TTN: variants seen among roughly 807,000 people sequenced by gnomAD.
The protein encoded by TTN is connectin.
A neutral mutation model predicts 3,223.0 loss-of-function variants in TTN; 1,525 were observed. The observed-to-expected ratio is 0.47, with a 90% CI of 0.45 to 0.49. The LOEUF is 0.49. Among genes scored for constraint, TTN ranks in the 20% least tolerant of loss-of-function variants. TTN has a pLI of 0.00. For missense variants in TTN, 40,786 were observed against 43,424.0 expected (o/e 0.94, Z 5.40); for synonymous variants, 14,094 against 15,161.0 (o/e 0.93, Z 5.17).
Position 178,747,489 on chromosome 2 carries a change from T to C in TTN, c.11312-5568A>G, listed in dbSNP as rs727504687. 3.3e-5 allele frequency: 54 copies of C among 1,613,402 alleles called. No homozygotes were observed. In the Middle Eastern group the frequency reaches 1.5e-3, roughly 44 times the overall value. On this transcript the variant is annotated intron_variant, in intron 47 of 362. Transcript: ENST00000589042. ...TCACTGGTTGTACTTCCCACACCAATGGAAATGTCAGACTCAGGAGAAAGT... is the reference window on the plus strand; with the variant it reads ...TCACTGGTTGTACTTCCCACACCAACGGAAATGTCAGACTCAGGAGAAAGT...
At position 178,586,690 on chromosome 2, in the gene TTN, C is replaced by G; in HGVS notation, c.64211G>C (p.Ser21404Thr). 1 of 1,613,186 alleles carries G rather than the reference C, an allele frequency of 6.2e-7. No homozygotes were observed. Among genetic ancestry groups the G allele is most frequent in the East Asian group, 2.2e-5 (1 of 44,756 alleles). ...GGAKIDGYITSYREEEQPADR... is the reference protein window; with the variant it reads ...GGAKIDGYITTYREEEQPADR... ...TGCAGGCTGCTCTTCTTCTCTGTAA[C>G]TAGTGATGTAGCCATCGATTTTAGC... The change falls in exon 308 of 363, where the codon AGT (serine) becomes ACT (threonine). Residue 21404 changes from serine (S) to threonine (T), a missense_variant. By Grantham distance (58) the Ser-to-Thr change is moderately conservative. Coordinates refer to ENST00000589042, the MANE Select transcript of TTN (RefSeq NM_001267550.2).
chr2:178,637,735 T>G (rs533661991), intron 223 of TTN, among the ~76,000 whole-genome samples: 1 of 152,182 alleles, frequency 6.6e-6, no homozygotes, highest in East Asian at 1.9e-4. Flanking sequence ...GTGCAAAATA[T>G]TTTATATGTT....
intron 41 of TTN, among the ~76,000 whole-genome samples, chr2:178,766,027 C>G (rs1043873881): frequency 6.6e-6 from 1 of 152,132 alleles, no homozygotes; most frequent in Non-Finnish European, 1.5e-5. Flanking sequence ...CTTGGTAGTG[C>G]TGCTAGGACT....
In TTN at chr2:178,604,883, G is replaced by A. The variant is rs2054408175; in HGVS notation, c.54206C>T (p.Pro18069Leu). 1 of 1,611,648 alleles carries A rather than the reference G, an allele frequency of 6.2e-7. No homozygotes were observed. The highest frequency in any genetic ancestry group is 8.5e-7 in the Non-Finnish European group (1 of 1,178,726). ...HVEVYDRPSP[P>L]RNLAVTDIKA... is the part of the protein sequence containing the mutation. Reference sequence around the variant, plus strand: ...AATGTCAGTAACAGCAAGATTTCTTGGTGGGGATGGGCGGTCTGGAAAGGA... The same window carrying A: ...AATGTCAGTAACAGCAAGATTTCTTAGTGGGGATGGGCGGTCTGGAAAGGA... Residue 18069 changes from proline (P) to leucine (L), a missense_variant, in exon 281 of 363, where the codon CCA becomes CTA. Pro to Leu is a moderately conservative substitution (Grantham distance 98). Coordinates refer to ENST00000589042, the MANE Select transcript of TTN (RefSeq NM_001267550.2).
In TTN at chr2:178,533,129, T is replaced by G. The variant is rs183912990; in HGVS notation, c.103486A>C (p.Thr34496Pro). The change falls in exon 358 of 363, where the codon ACA (threonine) becomes CCA (proline). Residue 34496 changes from threonine to proline, a missense_variant. Thr to Pro is a conservative substitution (Grantham distance 38). Coordinates refer to ENST00000589042, the MANE Select transcript of TTN (RefSeq NM_001267550.2). ...ILSGTESVPLTQVAKEALREA... is the reference protein window; with the variant it reads ...ILSGTESVPLPQVAKEALREA... ...CTCAGAGCCTCTTTAGCTACCTGTG[T>G]CAGTGGTACACTTTCAGTTCCAGAA... The G allele has an allele frequency of 1.2e-6, 2 of 1,614,000 alleles. No homozygotes were observed. Among genetic ancestry groups the G allele is most frequent in the Non-Finnish European group, 1.7e-6 (2 of 1,179,864 alleles).
intron 102 of TTN, among the ~76,000 whole-genome samples, chr2:178,705,654 T>C (rs1367736737): frequency 6.6e-6 from 1 of 152,110 alleles, no homozygotes; most frequent in Non-Finnish European, 1.5e-5. Flanking sequence ...AGAGCCTAGC[T>C]AATGAATTAT....
chr2:178,701,019 C>G, intron 111 of TTN, 101 bp downstream of exon 111: 1 of 990,532 alleles, frequency 1.0e-6, no homozygotes, highest in African/African-American at 1.6e-5. Context: ...GCAATTCCAC[C>G]TCTTGACCAC....
rs146208555 is a variant in TTN, at chr2:178,611,280, T to G, written c.50858-9A>C. 111 of 1,611,370 alleles carry G rather than the reference T, an allele frequency of 6.9e-5. No individual in the cohort carries two copies. The African/African-American group carries it at 1.3e-3, about 19-fold the overall frequency. Reference sequence around the variant, plus strand: ...GTCAATTGTTGGCTTGCCTGTAAGATATCATTCAAAAGAGCAAAAAACAGA... The same window carrying G: ...GTCAATTGTTGGCTTGCCTGTAAGAGATCATTCAAAAGAGCAAAAAACAGA... On this transcript the variant is annotated splice_polypyrimidine_tract_variant and intron_variant, in intron 269 of 362. Transcript: ENST00000589042.
At chr2:178,651,190 C>A in intron 208 of TTN, 53 bp downstream of exon 208, 1 of 1,446,648 alleles carries the variant, frequency 6.9e-7, no homozygotes, top group South Asian at 1.2e-5. Flanking sequence ...TAATAGGTGA[C>A]TTATTAGACA....
rs767222278 is a variant in TTN, at chr2:178,739,878, G to A, written c.13355C>T (p.Thr4452Ile). 1.9e-6 allele frequency: 3 copies of A among 1,613,730 alleles called. No homozygotes were observed. Among genetic ancestry groups the A allele is most frequent in the Non-Finnish European group, 2.5e-6 (3 of 1,179,832 alleles). The change falls in exon 48 of 363, where the codon ACA becomes ATA. Residue 4452 changes from threonine to isoleucine, a missense_variant. By Grantham distance (89) the Thr-to-Ile change is moderately conservative. Transcript: ENST00000589042. Reference sequence around the variant, plus strand: ...TTCAATAATGATGGTTACTTCTTCTGTTACAGACTTTGCCGAAGTAACAAG... The same window carrying A: ...TTCAATAATGATGGTTACTTCTTCTATTACAGACTTTGCCGAAGTAACAAG... ...MYLVTSAKSVTEEVTIIIEDV... is the reference protein window; with the variant it reads ...MYLVTSAKSVIEEVTIIIEDV...
intron 43 of TTN, 83 bp downstream of exon 43, chr2:178,764,094 G>A (rs1270519340): frequency 6.3e-7 from 1 of 1,588,356 alleles, no homozygotes; most frequent in African/African-American, 1.3e-5. Flanking sequence ...AGATGTTTGT[G>A]ATGGAGGAGA....
intron 45 of TTN, among the ~76,000 whole-genome samples, chr2:178,757,098 C>T (rs570975245): frequency 6.7e-6 from 1 of 149,456 alleles, no homozygotes; most frequent in South Asian, 2.1e-4. Flanking sequence ...TTCTCTCTCT[C>T]CCTCTAGCTG....
chr2:178,797,012 T>C (rs2093804162), intron 6 of TTN, among the ~76,000 whole-genome samples: 1 of 152,236 alleles, frequency 6.6e-6, no homozygotes, highest in African/African-American at 2.4e-5. Flanking sequence ...ATTTTATTTC[T>C]TAATTATTGG....
chr2:178,779,580 C>T, intron 22 of TTN, 118 bp from the exon 23 acceptor site: 1 of 696,654 alleles, frequency 1.4e-6, no homozygotes, highest in Non-Finnish European at 2.4e-6. Context: ...ATCTAGAGGA[C>T]TTTTTGGTTT....
At chr2:178,777,358 AATACCTGTTT>A in intron 26 of TTN, 41 bp from the exon 27 acceptor site, 1 of 1,613,192 alleles carries the variant, frequency 6.2e-7, no homozygotes, top group Non-Finnish European at 8.5e-7. Context: ...GTAAGGCTGA[AATACCTGTTT>A]ATAACCCAAG....
At chr2:178,639,247 T>C (rs2060911260) in intron 223 of TTN, among the ~76,000 whole-genome samples, 1 of 152,030 alleles carries the variant, frequency 6.6e-6, no homozygotes, top group Non-Finnish European at 1.5e-5. Context: ...ATTCACAATA[T>C]TGTACAACCA....
rs2068513989 is a variant in TTN, at chr2:178,678,120, T to C, written c.33994+5A>G. The C allele has an allele frequency of 6.2e-7, 1 of 1,607,882 alleles. No homozygotes were observed. Among genetic ancestry groups the C allele is most frequent in the Middle Eastern group, 1.7e-4 (1 of 6,046 alleles). On this transcript the variant is annotated splice_donor_5th_base_variant and intron_variant, in intron 145 of 362. Transcript: ENST00000589042. ...TTACCATGGCTCTGTTACAGATTAA[T>C]GTACCTTTGGGTGGTGGTGCTTCCA...
chr2:178,741,608 A>G lies in TTN; in HGVS notation c.11625T>C (p.His3875=), dbSNP rs758436428. 4 of 1,613,686 alleles carry G rather than the reference A, an allele frequency of 2.5e-6. No individual in the cohort carries two copies. Among genetic ancestry groups the G allele is most frequent in the African/African-American group, 1.3e-5 (1 of 74,934 alleles). Residue 3875 remains histidine (H), a synonymous_variant, in exon 48 of 363, where the codon CAT becomes CAC. Coordinates refer to ENST00000589042, the MANE Select transcript of TTN (RefSeq NM_001267550.2). ...ATTTGGTGAACAGAATGATCAGGCT[A>G]TGATCATCACCGTCAAAAACAAATT... ...DYKFVFDGDD[H]SLIILFTKLE...
At chr2:178,673,989 A>G (rs1324782844) in intron 151 of TTN, among the ~76,000 whole-genome samples, 1 of 151,792 alleles carries the variant, frequency 6.6e-6, no homozygotes, top group Non-Finnish European at 1.5e-5. Context: ...CTTTCACCAG[A>G]GAAATAGATT....
Sources: gnomAD v4.1 joint callset for allele counts (sites outside exome capture counted in the v4.1 genomes callset) on GRCh38, gnomAD v4.1.1 for gene constraint, MANE v1.5 for transcripts, NCBI Gene and HGNC (gene_info 2026-07-23, HGNC 2026-07-21) for gene names.